The following RNF43 variants were observed in gnomAD, a reference collection of about 807,000 sequenced individuals.
RNF43 encodes ring finger protein 43, also known as E3 ubiquitin-protein ligase RNF43.
Under a neutral mutation model 78.4 loss-of-function variants are expected in RNF43, and 37 were observed. The observed-to-expected ratio is 0.47, with a 90% CI of 0.36 to 0.62. The LOEUF is 0.62. RNF43 is among the 20% of genes least tolerant of loss of function. The probability of loss-of-function intolerance (pLI) is 0.00; values close to 1 mark genes in which losing one functional copy is unlikely to be tolerated. For missense variants in RNF43, 774 were observed against 1,007.9 expected, an observed-to-expected ratio of 0.77 and a Z score of 3.14; for synonymous variants, 347 against 395.0, an observed-to-expected ratio of 0.88 and a Z score of 1.44.
At position 58,375,917 on chromosome 17, in the gene RNF43, C is replaced by T. The variant is rs113302981; in HGVS notation, c.253-4884G>A. ...AAATGTTGTTTAAAGTTCTCCCTTC[C>T]TGGCTTTTGCAGAAAAACTGAACTC... On this transcript the variant is annotated intron_variant, in intron 2 of 9. Coordinates refer to ENST00000407977, the MANE Select transcript of RNF43 (RefSeq NM_017763.6). Among the ~76,000 whole-genome samples, 479 of 152,318 alleles carry T rather than the reference C, an allele frequency of 3.1e-3. 2 individuals are homozygous for T. The highest frequency in any genetic ancestry group is 4.1e-3 in the Non-Finnish European group (281 of 68,040).
At chr17:58,411,019 A>G (rs114469297) in intron 2 of RNF43, among the ~76,000 whole-genome samples, 2,206 of 152,340 alleles carry the variant, frequency 0.014, 69 homozygotes, top group African/African-American at 0.051. Context: ...ACTAGATAAT[A>G]ATAGTTAATA....
chr17:58,379,379 G>T (rs1973267882), intron 2 of RNF43, among the ~76,000 whole-genome samples: 1 of 152,188 alleles, frequency 6.6e-6, no homozygotes, highest in Admixed American at 6.5e-5. Context: ...AAGGCAGCCA[G>T]ACCCAGACGC....
chr17:58,396,212 G>C (rs1241334935), intron 2 of RNF43, among the ~76,000 whole-genome samples: 2 of 152,142 alleles, frequency 1.3e-5, no homozygotes, highest in Non-Finnish European at 2.9e-5. Context: ...GATAACAACT[G>C]TTGATAGAAG....
intron 2 of RNF43, among the ~76,000 whole-genome samples, chr17:58,389,186 C>A (rs1244416347): frequency 6.6e-6 from 1 of 151,922 alleles, no homozygotes; most frequent in Non-Finnish European, 1.5e-5. Flanking sequence ...AGCTTGAACT[C>A]TGGTAGTAAT....
chr17:58,412,934 C>T (rs943686870), intron 2 of RNF43, among the ~76,000 whole-genome samples: 15 of 151,832 alleles, frequency 9.9e-5, no homozygotes, highest in Non-Finnish European at 1.9e-4. Flanking sequence ...ATAATCTTAA[C>T]AGGTAACTAC....
Position 58,415,201 on chromosome 17 carries a change from T to C in RNF43, c.252+125A>G. The C allele has an allele frequency of 2.1e-6, 2 of 955,344 alleles. 1 individual carries two copies. Among genetic ancestry groups the C allele is most frequent in the South Asian group, 3.2e-5 (2 of 63,278 alleles). The allele number at this position is 955,344 out of a possible 1,614,324, so 59.2% of individuals were successfully genotyped here. ...TTTAGAATGCCAATAAGGCAGTATC[T>C]ACTCTTTCTATGAAATAGAAAGCTA... On this transcript the variant is annotated intron_variant, in intron 2 of 9. Transcript: ENST00000407977.
intron 2 of RNF43, among the ~76,000 whole-genome samples, chr17:58,385,033 T>A (rs190767584): frequency 6.6e-6 from 1 of 152,350 alleles, no homozygotes; most frequent in Admixed American, 6.5e-5. Flanking sequence ...TCTGACCCAA[T>A]AAATACGCGC....
Position 58,360,650 on chromosome 17 carries a change from T to G in RNF43, c.849+133A>C, listed in dbSNP as rs942128948. 3.1e-6 allele frequency: 3 copies of G among 975,840 alleles called. No homozygotes were observed. Among genetic ancestry groups the G allele is most frequent in the Non-Finnish European group, 4.4e-6 (3 of 676,644 alleles). 60.4% of individuals were successfully genotyped at this position (975,840 alleles called of 1,614,324 possible). Reference sequence around the variant, plus strand: ...CCAAACTTCAGGCTGGTCCCTGATCTCTGCCTCATGCAGGACACATGGGAA... The same window carrying G: ...CCAAACTTCAGGCTGGTCCCTGATCGCTGCCTCATGCAGGACACATGGGAA... On this transcript the variant is annotated intron_variant, in intron 7 of 9. Coordinates refer to ENST00000407977, the MANE Select transcript of RNF43 (RefSeq NM_017763.6). The surrounding 1 kb of genome is among the most constrained non-coding windows in gnomAD (Gnocchi z 4.3).
intron 3 of RNF43, among the ~76,000 whole-genome samples, chr17:58,370,060 G>GTGTT (rs1973048204): frequency 1.0e-5 from 1 of 96,238 alleles, no homozygotes; most frequent in Non-Finnish European, 2.0e-5. Context: ...GAAAATCTGA[G>GTGTT]TTTTTTTTTT....
At chr17:58,406,548 T>A (rs1408065212) in intron 2 of RNF43, among the ~76,000 whole-genome samples, 1 of 152,198 alleles carries the variant, frequency 6.6e-6, no homozygotes, top group Non-Finnish European at 1.5e-5. Flanking sequence ...AATTCCAATA[T>A]AGAGCCAATA....
chr17:58,382,728 AGAG>A (rs1973347429), intron 2 of RNF43, among the ~76,000 whole-genome samples: 1 of 152,232 alleles, frequency 6.6e-6, no homozygotes, highest in Non-Finnish European at 1.5e-5. Context: ...CGGTCTCAGG[AGAG>A]TAACACCTGC....
chr17:58,397,927 A>G (rs1973719274), intron 2 of RNF43, among the ~76,000 whole-genome samples: 2 of 152,188 alleles, frequency 1.3e-5, no homozygotes, highest in African/African-American at 4.8e-5. Context: ...AATCAATGTT[A>G]TTTCTGTAAA....
rs555706090 is a variant in RNF43, at chr17:58,364,517, G to A, written c.376-917C>T. Among the ~76,000 whole-genome samples the A allele has an allele frequency of 3.2e-3, 485 of 152,300 alleles. 4 individuals are homozygous for A. Among genetic ancestry groups the A allele is most frequent in the Non-Finnish European group, 5.5e-3 (373 of 68,012 alleles). On this transcript the variant is annotated intron_variant, in intron 3 of 9. Transcript: ENST00000407977. ...GAAAGGGAGATAAGAGCTAAAGGTCGGGGGAGGCGGGAGGCACAACAGCAA... is the reference window on the plus strand; with the variant it reads ...GAAAGGGAGATAAGAGCTAAAGGTCAGGGGAGGCGGGAGGCACAACAGCAA...
chr17:58,359,179 TA>T (rs2143431672), intron 8 of RNF43, among the ~76,000 whole-genome samples: 1 of 152,376 alleles, frequency 6.6e-6, no homozygotes, highest in East Asian at 1.9e-4. Context: ...AAAATTATGT[TA>T]ACATACTGAT....
intron 2 of RNF43, among the ~76,000 whole-genome samples, chr17:58,381,283 G>C (rs951379902): frequency 6.6e-6 from 1 of 152,244 alleles, no homozygotes; most frequent in Non-Finnish European, 1.5e-5. Context: ...CTTCTGTTCA[G>C]AAGAGGCAAC....
In RNF43 at chr17:58,357,726, A is replaced by T. The variant is rs2143391875; in HGVS notation, c.2050T>A (p.Tyr684Asn). 6.2e-7 allele frequency: 1 copy of T among 1,611,776 alleles called. No individual in the cohort carries two copies. ...CAAGGATATGCCACACTGGGGGTGT[A>T]ATGGGGAAAAATCTGGCAAGCTGGG... Reference protein sequence around the residue: ...VHPACQIFPHYTPSVAYPWSP... With the variant: ...VHPACQIFPHNTPSVAYPWSP... The change falls in exon 9 of 10, where the codon TAC (tyrosine) becomes AAC (asparagine). Residue 684 changes from tyrosine to asparagine, a missense_variant. Tyr to Asn is a moderately radical substitution (Grantham distance 143). Transcript: ENST00000407977. The surrounding 1 kb of genome is among the most constrained non-coding windows in gnomAD (Gnocchi z 4.5).
In RNF43 at chr17:58,371,040, A is replaced by G; in HGVS notation, c.253-7T>C. 1.3e-6 allele frequency: 2 copies of G among 1,569,170 alleles called. No homozygotes were observed. The highest frequency in any genetic ancestry group is 1.7e-6 in the Non-Finnish European group (2 of 1,153,108). On this transcript the variant is annotated splice_polypyrimidine_tract_variant and splice_region_variant and intron_variant, in intron 2 of 9. Transcript: ENST00000407977. Reference sequence around the variant, plus strand: ...ACAGGTACAGCGGGTGGGACTGCAGAGAGAGACAGACTTGGGTTAGGGAGG... The same window carrying G: ...ACAGGTACAGCGGGTGGGACTGCAGGGAGAGACAGACTTGGGTTAGGGAGG...
At chr17:58,363,678 C>T (rs1972891062) in intron 3 of RNF43, 78 bp from the exon 4 acceptor site, 1 of 1,198,220 alleles carries the variant, frequency 8.3e-7, no homozygotes, top group South Asian at 1.4e-5. Context: ...TCACCCCTCA[C>T]ACATCTATCC....
In RNF43 at chr17:58,357,733, A is replaced by C; in HGVS notation, c.2043T>G (p.Phe681Leu). 6.2e-7 allele frequency: 1 copy of C among 1,611,560 alleles called. No homozygotes were observed. The highest frequency in any genetic ancestry group is 8.5e-7 in the Non-Finnish European group (1 of 1,178,752). The change falls in exon 9 of 10, where the codon TTT becomes TTG. Residue 681 changes from phenylalanine (F) to leucine (L), a missense_variant. Physicochemically the swap from Phe to Leu is conservative, Grantham distance 22. Coordinates refer to ENST00000407977, the MANE Select transcript of RNF43 (RefSeq NM_017763.6). The surrounding 1 kb of genome is among the most constrained non-coding windows in gnomAD (Gnocchi z 4.5). ...DATVHPACQI[F>L]PHYTPSVAYP... ...ATGCCACACTGGGGGTGTAATGGGG[A>C]AAAATCTGGCAAGCTGGGTGCACAG...
Sources: gnomAD v4.1 joint callset for allele counts (sites outside exome capture counted in the v4.1 genomes callset) on GRCh38, gnomAD v4.1.1 for gene constraint, Gnocchi (gnomAD v3.1) non-coding constraint, MANE v1.5 for transcripts, NCBI Gene and HGNC (gene_info 2026-07-23, HGNC 2026-07-21) for gene names.